SSH2: variants seen among roughly 807,000 people sequenced by gnomAD.
SSH2 encodes protein phosphatase Slingshot homolog 2.
In SSH2, 37 loss-of-function variants were observed where a neutral mutation model predicts 135.2. The ratio of observed to expected loss-of-function variants is 0.27; its 90% CI spans 0.21 to 0.36. The LOEUF (loss-of-function observed/expected upper bound fraction) is 0.36. Among genes scored for constraint, SSH2 ranks in the 10% least tolerant of loss-of-function variants. SSH2 has a pLI of 1.00. For synonymous variants in SSH2, 628 were observed against 646.2 expected (o/e 0.97, Z 0.43); for missense variants, 1,408 against 1,765.3 (o/e 0.80, Z 3.63).
chr17:29,659,400 T>C (rs2036926761), intron 11 of SSH2, among the ~76,000 whole-genome samples: 1 of 152,262 alleles, frequency 6.6e-6, no homozygotes, highest in Non-Finnish European at 1.5e-5. Flanking sequence ...GCCAGTCTGA[T>C]AGGTGTCTCA....
chr17:29,705,041 C>A (rs964643706), intron 3 of SSH2, among the ~76,000 whole-genome samples: 2 of 152,140 alleles, frequency 1.3e-5, no homozygotes, highest in African/African-American at 2.4e-5. Flanking sequence ...TGAGTTCCCC[C>A]ACCCTCAAGT....
chr17:29,718,512 G>A (rs2039703839), intron 3 of SSH2, among the ~76,000 whole-genome samples: 1 of 152,024 alleles, frequency 6.6e-6, no homozygotes, highest in African/African-American at 2.4e-5. Flanking sequence ...TCTGGCTTAG[G>A]ATCTCTTAAG....
intron 1 of SSH2, chr17:29,925,692 G>T (rs868090407): frequency 2.6e-6 from 1 of 380,950 alleles, no homozygotes; most frequent in Middle Eastern, 6.7e-4. Flanking sequence ...CTGTGCTACA[G>T]TGAGACCCCA....
chr17:29,632,300 C>A lies in SSH2; in HGVS notation c.2894G>T (p.Ser965Ile), dbSNP rs1245892400. 1.2e-6 allele frequency: 2 copies of A among 1,614,116 alleles called. No homozygotes were observed. Among genetic ancestry groups the A allele is most frequent in the Admixed American group, 3.3e-5 (2 of 60,026 alleles). Residue 965 changes from serine to isoleucine, a missense_variant, in exon 16 of 16, where the codon AGT (serine) becomes ATT (isoleucine). By Grantham distance (142) the Ser-to-Ile change is moderately radical (BLOSUM62 -2). Around this residue, in one of 3 missense-constraint regions of SSH2, gnomAD observed 1,080 missense variants for 1,144.5 expected, o/e 0.94. Transcript: ENST00000540801. The part of the protein sequence containing the change: ...PEMSKGKGKY[S>I]GSEAGSLSHS... The stretch of plus-strand genomic sequence containing the variant: ...GGACAGTGAGCCAGCCTCAGACCCA[C>A]TGTATTTCCCTTTGCCTTTGCTCAT...
intron 9 of SSH2, among the ~76,000 whole-genome samples, chr17:29,668,849 G>A (rs1000765285): frequency 1.3e-5 from 2 of 152,164 alleles, no homozygotes; most frequent in African/African-American, 2.4e-5. Context: ...AGGCAGAGTG[G>A]TTGGGGAGTA....
intron 8 of SSH2, chr17:29,673,862 A>G: frequency 3.2e-6 from 1 of 310,678 alleles, no homozygotes; most frequent in South Asian, 2.8e-5. Context: ...GATCATTTTT[A>G]ATGGTTGCAT....
At chr17:29,805,174 G>A (rs1393557391) in intron 2 of SSH2, among the ~76,000 whole-genome samples, 13 of 150,884 alleles carry the variant, frequency 8.6e-5, no homozygotes, top group Admixed American at 4.6e-4. Context: ...TATTATTTTC[G>A]AGATGGAGTC....
chr17:29,723,986 TC>T lies in SSH2; in HGVS notation c.189-20925del, dbSNP rs144988755. Among the ~76,000 whole-genome samples, 1,106 of 152,282 alleles carry T rather than the reference TC, an allele frequency of 7.3e-3. 17 individuals carry two copies. The highest frequency in any genetic ancestry group is 0.025 in the African/African-American group (1,051 of 41,534). On this transcript the variant is annotated intron_variant, in intron 3 of 15. Coordinates refer to ENST00000540801, the MANE Select transcript of SSH2 (RefSeq NM_001282129.2). The stretch of plus-strand genomic sequence containing the variant: ...ACAAAAGATGTGGGAAATCTCTTGT[TC>T]AGGCACAGTAGCCTCTCTTAGGTCC...
chr17:29,816,128 T>C (rs1438027178), intron 2 of SSH2, among the ~76,000 whole-genome samples: 5 of 152,110 alleles, frequency 3.3e-5, no homozygotes, highest in Admixed American at 3.3e-4. Flanking sequence ...GGATTACAGA[T>C]GTGAGCTACC....
chr17:29,637,568 G>A (rs1222219080), intron 14 of SSH2, among the ~76,000 whole-genome samples: 1 of 152,074 alleles, frequency 6.6e-6, no homozygotes, highest in Non-Finnish European at 1.5e-5. Flanking sequence ...GATCGCTTGA[G>A]CCCAGAAGTT....
chr17:29,829,019 G>C lies in SSH2; in HGVS notation c.144+19830C>G, dbSNP rs182707507. 3.2e-4 allele frequency among the ~76,000 whole-genome samples: 48 copies of C among 152,236 alleles called. 2 individuals are homozygous for C. In the East Asian group the frequency reaches 8.9e-3, roughly 28 times the overall value. On this transcript the variant is annotated intron_variant, in intron 2 of 15. Transcript: ENST00000540801. The stretch of plus-strand genomic sequence containing the variant: ...CATGTTTCTGTACCATTTGAGACTA[G>C]AGTCCTAAAGTCCATTAGTGTAGGC...
intron 3 of SSH2, among the ~76,000 whole-genome samples, chr17:29,762,320 C>T (rs1186610192): frequency 1.3e-5 from 2 of 152,104 alleles, no homozygotes; most frequent in African/African-American, 4.8e-5. Flanking sequence ...GATTCACAGC[C>T]TTAGCTGCAC....
rs373895878 is a variant in SSH2 at position 29,832,919 on chromosome 17, G to A, written c.144+15930C>T. Among the ~76,000 whole-genome samples, 30 of 152,182 alleles carry A rather than the reference G, an allele frequency of 2.0e-4. No individual in the cohort carries two copies. The South Asian group carries it at 2.9e-3, about 15-fold the overall frequency. On this transcript the variant is annotated intron_variant, in intron 2 of 15. Coordinates refer to ENST00000540801, the MANE Select transcript of SSH2 (RefSeq NM_001282129.2). ...TGGCCTCAGGTGATCCACCTGCCTC[G>A]GCCTCCCAAAGTGCTGGGATTACAG... is the stretch of plus-strand genomic sequence containing the variant.
rs374028850 is a variant in SSH2, at chr17:29,632,600, A to G, written c.2594T>C (p.Leu865Ser). 97 of 1,613,896 alleles carry G rather than the reference A, an allele frequency of 6.0e-5. No individual in the cohort carries two copies. Among genetic ancestry groups the G allele is most frequent in the Admixed American group, 1.2e-4 (7 of 59,988 alleles). ...CLTTHSSIAD[L>S]EEGEPAEGEQ... Reference sequence around the variant, plus strand: ...CCCCTCAGCTGGTTCCCCTTCTTCCAAGTCTGCTATAGATGAGTGTGTGGT... The same window carrying G: ...CCCCTCAGCTGGTTCCCCTTCTTCCGAGTCTGCTATAGATGAGTGTGTGGT... The change falls in exon 16 of 16, where the codon TTG (leucine) becomes TCG (serine). Residue 865 changes from leucine (L) to serine (S), a missense_variant. Around this residue, in one of 3 missense-constraint regions of SSH2, gnomAD observed 1,080 missense variants for 1,144.5 expected, o/e 0.94. Transcript: ENST00000540801.
At chr17:29,921,375 ATTTTTATAC>A (rs1325758470) in intron 1 of SSH2, among the ~76,000 whole-genome samples, 29 of 152,354 alleles carry the variant, frequency 1.9e-4, no homozygotes, top group African/African-American at 5.8e-4. Context: ...ACACTTAAAC[ATTTTTATAC>A]AATGCTTGTA....
At chr17:29,929,523 A>G (rs1360621857) in intron 1 of SSH2, among the ~76,000 whole-genome samples, 2 of 152,126 alleles carry the variant, frequency 1.3e-5, no homozygotes, top group Admixed American at 1.3e-4. Flanking sequence ...AATACTGAAC[A>G]GGTCTATGAA....
chr17:29,762,698 T>C (rs1194422570), intron 3 of SSH2, among the ~76,000 whole-genome samples: 1 of 152,214 alleles, frequency 6.6e-6, no homozygotes, highest in African/African-American at 2.4e-5. Context: ...ACCAGCTCTT[T>C]GTAAAATATG....
At chr17:29,923,862 T>C (rs2067019111) in intron 1 of SSH2, among the ~76,000 whole-genome samples, 1 of 150,420 alleles carries the variant, frequency 6.6e-6, no homozygotes, top group South Asian at 2.1e-4. Context: ...GCTGAGATCA[T>C]GCCACTACAC....
In SSH2 at chr17:29,648,456, C is replaced by T. The variant is rs138782915; in HGVS notation, c.1227-112G>A. On this transcript the variant is annotated intron_variant, in intron 13 of 15. Coordinates refer to ENST00000540801, the MANE Select transcript of SSH2 (RefSeq NM_001282129.2). ...CCTGTCCTGCTCTTCCATTTTCTTG[C>T]TATGCAATCTCTCCACTTTGGTACA... is the stretch of plus-strand genomic sequence containing the variant. The T allele has an allele frequency of 4.1e-3, 3,364 of 816,012 alleles. 20 individuals carry two copies. Among genetic ancestry groups the T allele is most frequent in the Non-Finnish European group, 4.1e-3 (2,172 of 530,016 alleles). The allele number at this position is 816,012 out of a possible 1,614,324, so 50.5% of individuals were successfully genotyped here. A position where few individuals can be genotyped will look rare whatever the true frequency, so the allele number is the denominator to read the frequency against.
Sources: gnomAD v4.1 joint callset for allele counts (sites outside exome capture counted in the v4.1 genomes callset) on GRCh38, gnomAD v4.1.1 for gene constraint, gnomAD v4.1.1 regional missense constraint, MANE v1.5 for transcripts, NCBI Gene and HGNC (gene_info 2026-07-23, HGNC 2026-07-21) for gene names.